MAP2: variants seen among roughly 807,000 people sequenced by gnomAD.
MAP2 encodes microtubule-associated protein 2.
In MAP2, 14 loss-of-function variants were observed where a neutral mutation model predicts 137.6. That is an observed-to-expected ratio of 0.10 (90% confidence interval 0.07 to 0.16). MAP2 has a LOEUF of 0.16. MAP2 is among the 10% of genes least tolerant of loss of function. The pLI is 1.00. For synonymous variants in MAP2, 786 were observed against 782.3 expected, an observed-to-expected ratio of 1.00 and a Z score of -0.08; for missense variants, 2,088 against 2,191.5, an observed-to-expected ratio of 0.95 and a Z score of 0.94.
chr2:209,448,774 C>T (rs1004049649), intron 1 of MAP2, among the ~76,000 whole-genome samples: 8 of 152,128 alleles, frequency 5.3e-5, no homozygotes, highest in African/African-American at 1.9e-4. Flanking sequence ...GTTTCAGGCC[C>T]ATCAGATCCA....
chr2:209,550,086 C>T (rs1246956543), intron 2 of MAP2, among the ~76,000 whole-genome samples: 1 of 152,080 alleles, frequency 6.6e-6, no homozygotes, highest in Non-Finnish European at 1.5e-5. Context: ...TTGTTAATTC[C>T]TTATTGTCAA....
intron 2 of MAP2, among the ~76,000 whole-genome samples, chr2:209,575,603 C>T (rs1478114174): frequency 6.8e-6 from 1 of 146,476 alleles, no homozygotes; most frequent in African/African-American, 2.5e-5. Context: ...TTAAGAAAGA[C>T]TGAATATATA....
intron 1 of MAP2, among the ~76,000 whole-genome samples, chr2:209,482,202 T>C (rs1354575440): frequency 6.6e-6 from 1 of 152,190 alleles, no homozygotes; most frequent in Non-Finnish European, 1.5e-5. Context: ...TCTTACTAAA[T>C]AGTAACTCTC....
intron 11 of MAP2, among the ~76,000 whole-genome samples, chr2:209,702,517 A>G (rs1191975695): frequency 6.6e-6 from 1 of 151,340 alleles, no homozygotes; most frequent in Non-Finnish European, 1.5e-5. Flanking sequence ...TTTTTTTTCT[A>G]TGGGTACATA....
intron 1 of MAP2, among the ~76,000 whole-genome samples, chr2:209,482,022 C>CA (rs146692623): frequency 0.023 from 3,467 of 151,512 alleles, 123 homozygotes; most frequent in African/African-American, 0.079. Context: ...CGTGGAACTT[C>CA]TTTTTTTTTA....
intron 3 of MAP2, among the ~76,000 whole-genome samples, chr2:209,582,171 T>C (rs2076572177): frequency 6.6e-6 from 1 of 152,150 alleles, no homozygotes; most frequent in African/African-American, 2.4e-5. Flanking sequence ...GTCAGCATTT[T>C]CCCCTATTAC....
chr2:209,559,832 T>C (rs2071592478), intron 2 of MAP2, among the ~76,000 whole-genome samples: 1 of 152,196 alleles, frequency 6.6e-6, no homozygotes, highest in African/African-American at 2.4e-5. Flanking sequence ...ACATTTTTTT[T>C]TCAAGGACTT....
At chr2:209,488,603 G>C (rs953049976) in intron 1 of MAP2, among the ~76,000 whole-genome samples, 5 of 152,142 alleles carry the variant, frequency 3.3e-5, no homozygotes, top group South Asian at 2.1e-4. Flanking sequence ...TTGGTGGGGG[G>C]AGGGGTGTCT....
At chr2:209,598,993 T>G (rs2082216248) in intron 3 of MAP2, among the ~76,000 whole-genome samples, 1 of 152,082 alleles carries the variant, frequency 6.6e-6, no homozygotes, top group African/African-American at 2.4e-5. Flanking sequence ...AAATGATATT[T>G]CTAGTTCTAG....
chr2:209,546,389 G>A (rs1338737834), intron 2 of MAP2, among the ~76,000 whole-genome samples: 1 of 152,168 alleles, frequency 6.6e-6, no homozygotes, highest in East Asian at 1.9e-4. Flanking sequence ...AAATGATTAT[G>A]TAGTTATGTA....
chr2:209,561,768 T>C (rs1197597395), intron 2 of MAP2, among the ~76,000 whole-genome samples: 1 of 152,236 alleles, frequency 6.6e-6, no homozygotes. Flanking sequence ...TAATTTTATT[T>C]TGTTATTGGT....
At chr2:209,437,017 G>A (rs956978316) in intron 1 of MAP2, among the ~76,000 whole-genome samples, 1 of 151,644 alleles carries the variant, frequency 6.6e-6, no homozygotes, top group African/African-American at 2.4e-5. Context: ...TTTTCAGAAG[G>A]AAAAGATGGC....
intron 4 of MAP2, among the ~76,000 whole-genome samples, chr2:209,645,377 T>C (rs1015008739): frequency 6.6e-6 from 1 of 152,174 alleles, no homozygotes; most frequent in African/African-American, 2.4e-5. Flanking sequence ...TTTAAAGTTA[T>C]TATTCACTTA....
chr2:209,691,463 G>T (rs967731580), intron 7 of MAP2, among the ~76,000 whole-genome samples: 2 of 146,892 alleles, frequency 1.4e-5, no homozygotes, highest in African/African-American at 5.3e-5. Flanking sequence ...AGTTCATCAA[G>T]TATTTTTTTT....
chr2:209,673,442 C>T (rs1400589822), intron 5 of MAP2, among the ~76,000 whole-genome samples: 1 of 151,728 alleles, frequency 6.6e-6, no homozygotes, highest in African/African-American at 2.4e-5. Flanking sequence ...CGGTTAATTA[C>T]ATCAAAACCC....
chr2:209,481,398 C>T (rs1708734889), intron 1 of MAP2, among the ~76,000 whole-genome samples: 1 of 152,214 alleles, frequency 6.6e-6, no homozygotes, highest in South Asian at 2.1e-4. Context: ...TGAGCTTTCT[C>T]TACTGACAGT....
At chr2:209,526,917 A>G (rs1000942998) in intron 2 of MAP2, among the ~76,000 whole-genome samples, 1 of 152,082 alleles carries the variant, frequency 6.6e-6, no homozygotes, top group African/African-American at 2.4e-5. Flanking sequence ...GGGAATCTGT[A>G]AAGCTGACTG....
intron 1 of MAP2, among the ~76,000 whole-genome samples, chr2:209,473,847 A>G (rs753210918): frequency 3.9e-5 from 6 of 152,202 alleles, no homozygotes; most frequent in African/African-American, 9.6e-5. Context: ...GACTAAATAC[A>G]TATTTGTATC....
At chr2:209,439,563 T>C (rs1055914616) in intron 1 of MAP2, among the ~76,000 whole-genome samples, 2 of 151,450 alleles carry the variant, frequency 1.3e-5, no homozygotes, top group Non-Finnish European at 3.0e-5. Context: ...AATCTGGAAG[T>C]CAAATTAAAG....
Sources: allele counts gnomAD v4.1 joint callset (sites outside exome capture counted in the v4.1 genomes callset), GRCh38; gene constraint gnomAD v4.1.1; transcripts MANE v1.5; gene names NCBI Gene and HGNC (gene_info 2026-07-23, HGNC 2026-07-21).